Variants in KCNK10 observed in about 807,000 individuals in gnomAD.
The protein encoded by KCNK10 is potassium channel subfamily K member 10.
In KCNK10, 25 loss-of-function variants were observed where a neutral mutation model predicts 47.7. The observed-to-expected ratio is 0.52, with a 90% CI of 0.38 to 0.73. The LOEUF (loss-of-function observed/expected upper bound fraction) is 0.73, where lower values mean the gene tolerates loss of function less well. Ranked by LOEUF, KCNK10 falls within the 30% of genes least tolerant of loss-of-function variation. The probability of loss-of-function intolerance (pLI) is 0.00; values close to 1 mark genes in which losing one functional copy is unlikely to be tolerated. For synonymous variants in KCNK10, 303 were observed against 285.6 expected (o/e 1.06, Z -0.61); for missense variants, 563 against 714.5 (o/e 0.79, Z 2.42).
intron 4 of KCNK10, among the ~76,000 whole-genome samples, chr14:88,218,069 G>A (rs368983425): frequency 1.3e-5 from 2 of 152,002 alleles, no homozygotes; most frequent in South Asian, 4.2e-4. Context: ...ATGTTGCCCA[G>A]GCTGGTCTTG....
At chr14:88,196,115 A>G (rs1354194732) in intron 4 of KCNK10, among the ~76,000 whole-genome samples, 2 of 152,240 alleles carry the variant, frequency 1.3e-5, no homozygotes, top group African/African-American at 4.8e-5. Flanking sequence ...TGGTTAGACT[A>G]GAGCGCATGT....
At chr14:88,289,692 A>G (rs2139779651) in intron 1 of KCNK10, among the ~76,000 whole-genome samples, 2 of 152,362 alleles carry the variant, frequency 1.3e-5, no homozygotes, top group Middle Eastern at 3.4e-3. Context: ...AGAATCAGAT[A>G]GACCTGAGCT....
chr14:88,224,040 T>C (rs1885907943), intron 4 of KCNK10, among the ~76,000 whole-genome samples: 1 of 151,812 alleles, frequency 6.6e-6, no homozygotes, highest in South Asian at 2.1e-4. Flanking sequence ...AAAAAGAAAA[T>C]TGTGAGCATT....
intron 1 of KCNK10, among the ~76,000 whole-genome samples, chr14:88,274,526 G>A (rs1887482914): frequency 9.6e-6 from 1 of 104,664 alleles, no homozygotes; most frequent in Non-Finnish European, 1.8e-5. Flanking sequence ...ACTTTAGCCT[G>A]GGTGACAGAG....
intron 2 of KCNK10, among the ~76,000 whole-genome samples, chr14:88,249,147 C>T (rs902965899): frequency 2.6e-5 from 4 of 152,148 alleles, no homozygotes; most frequent in African/African-American, 9.7e-5. Flanking sequence ...ATTTGTATGT[C>T]TCATCTCCAT....
chr14:88,279,982 C>T (rs1887613544), intron 1 of KCNK10, among the ~76,000 whole-genome samples: 1 of 152,186 alleles, frequency 6.6e-6, no homozygotes, highest in Admixed American at 6.5e-5. Flanking sequence ...CACCTCCCAC[C>T]ATGATTCTGG....
intron 1 of KCNK10, among the ~76,000 whole-genome samples, chr14:88,303,771 C>T (rs943316083): frequency 2.6e-5 from 4 of 152,176 alleles, no homozygotes; most frequent in Non-Finnish European, 2.9e-5. Flanking sequence ...GAAGTTGTTT[C>T]GACCAATTGC....
chr14:88,204,334 A>G (rs114869654), intron 4 of KCNK10, among the ~76,000 whole-genome samples: 3,145 of 152,270 alleles, frequency 0.021, 103 homozygotes, highest in African/African-American at 0.072. Context: ...AGGGAAAACT[A>G]AAAGAGAAAA....
At chr14:88,231,396 G>A (rs11623415) in intron 3 of KCNK10, among the ~76,000 whole-genome samples, 42,799 of 152,076 alleles carry the variant, frequency 0.28, 6,518 homozygotes, top group East Asian at 0.47. Context: ...GGCTAGTGAC[G>A]CAGTGACTGG....
At chr14:88,238,013 T>C (rs1477877215) in intron 3 of KCNK10, among the ~76,000 whole-genome samples, 2 of 152,248 alleles carry the variant, frequency 1.3e-5, no homozygotes, top group African/African-American at 4.8e-5. Context: ...AATGAAAATC[T>C]GTTGTTTAGT....
chr14:88,196,024 T>C (rs894396779), intron 4 of KCNK10, among the ~76,000 whole-genome samples: 29 of 152,360 alleles, frequency 1.9e-4, no homozygotes, highest in African/African-American at 6.7e-4. Flanking sequence ...AGGGAAGAGA[T>C]GGTCTGATAT....
intron 4 of KCNK10, among the ~76,000 whole-genome samples, chr14:88,214,951 G>A (rs1885572102): frequency 6.6e-6 from 1 of 152,192 alleles, no homozygotes. Context: ...ATAGTGGAAT[G>A]ACTAAGTCTA....
In KCNK10 at chr14:88,192,243, G is replaced by C; in HGVS notation, c.849C>G (p.Gly283=). Residue 283 remains glycine (G), a synonymous_variant, in exon 5 of 7, where the codon GGC becomes GGG. Transcript: ENST00000319231. ...GCTTACCTGCCACAAAATCACCAAA[G>C]CCCACCGTGGTCAGAGTGACCACCA... is the stretch of plus-strand genomic sequence containing the variant. ...YFVVVTLTTV[G]FGDFVAGGNA... is the part of the protein sequence containing the mutation. 1 of 1,613,212 alleles carries C rather than the reference G, an allele frequency of 6.2e-7. No homozygotes were observed. The highest frequency in any genetic ancestry group is 8.5e-7 in the Non-Finnish European group (1 of 1,179,618).
At chr14:88,187,477 A>G (rs1459010080) in intron 6 of KCNK10, among the ~76,000 whole-genome samples, 1 of 152,124 alleles carries the variant, frequency 6.6e-6, no homozygotes, top group Non-Finnish European at 1.5e-5. Flanking sequence ...TGTGACAACC[A>G]AGAGGGGATA....
intron 4 of KCNK10, among the ~76,000 whole-genome samples, chr14:88,195,297 A>G (rs188617423): frequency 6.6e-6 from 1 of 152,318 alleles, no homozygotes; most frequent in East Asian, 1.9e-4. Context: ...TTTTTCCTCT[A>G]TAAAATGGAG....
chr14:88,189,307 C>T (rs564885909), intron 5 of KCNK10, among the ~76,000 whole-genome samples: 3 of 152,254 alleles, frequency 2.0e-5, no homozygotes, highest in African/African-American at 4.8e-5. Flanking sequence ...AAGCCCCCTT[C>T]GGTTTGGTGC....
chr14:88,259,193 T>C (rs559605641), intron 2 of KCNK10, among the ~76,000 whole-genome samples: 1 of 152,366 alleles, frequency 6.6e-6, no homozygotes, highest in African/African-American at 2.4e-5. Context: ...GAAAGCTCCC[T>C]GGTCTGTAAG....
At chr14:88,203,232 G>T (rs569972747) in intron 4 of KCNK10, among the ~76,000 whole-genome samples, 12 of 152,312 alleles carry the variant, frequency 7.9e-5, no homozygotes, top group African/African-American at 2.9e-4. Context: ...CTTCCTCCGG[G>T]ACCAGTTCCA....
intron 2 of KCNK10, among the ~76,000 whole-genome samples, chr14:88,261,017 G>A (rs1887095029): frequency 6.6e-6 from 1 of 152,198 alleles, no homozygotes; most frequent in Non-Finnish European, 1.5e-5. Flanking sequence ...ATACGGAAAT[G>A]CCGAATTAAT....
Sources: gnomAD v4.1 joint callset for allele counts (sites outside exome capture counted in the v4.1 genomes callset) on GRCh38, gnomAD v4.1.1 for gene constraint, MANE v1.5 for transcripts, NCBI Gene and HGNC (gene_info 2026-07-23, HGNC 2026-07-21) for gene names.